The following CENPS variants were observed in gnomAD, a reference collection of about 807,000 sequenced individuals.
CENPS encodes the protein centromere protein S, also known as FANCM associated histone fold protein 1.
CENPS carries 16 observed loss-of-function variants against 17.9 expected under a neutral mutation model. The observed-to-expected ratio is 0.90, with a 90% confidence interval of 0.61 to 1.36. The LOEUF is 1.36. Among genes scored for constraint, CENPS ranks in the 40% most tolerant of loss-of-function variants. The pLI, the probability that CENPS is intolerant of heterozygous loss-of-function variation, is 0.00. For missense variants in CENPS, 160 were observed against 158.6 expected, an observed-to-expected ratio of 1.01 and a Z score of -0.05; for synonymous variants, 49 against 55.8, an observed-to-expected ratio of 0.88 and a Z score of 0.54.
intron 3 of CENPS, among the ~76,000 whole-genome samples, chr1:10,437,683 A>G (rs1461945893): frequency 6.8e-6 from 1 of 147,806 alleles, no homozygotes; most frequent in Non-Finnish European, 1.5e-5. Context: ...TCTCAAACTT[A>G]TGACCTCAGG....
At position 10,430,481 on chromosome 1, in the gene CENPS, C is replaced by A; in HGVS notation, c.-37C>A. Reference sequence around the variant, plus strand: ...CTGGCCGCGCACCACCGCCCCTTCTCGGCCCTCCTGCGTTTGCCCAGGGTC... The same window carrying A: ...CTGGCCGCGCACCACCGCCCCTTCTAGGCCCTCCTGCGTTTGCCCAGGGTC... On this transcript the variant is annotated 5_prime_UTR_variant, in exon 1 of 5. Transcript: ENST00000309048. 6.5e-7 allele frequency: 1 copy of A among 1,532,800 alleles called. No homozygotes were observed. Among genetic ancestry groups the A allele is most frequent in the Non-Finnish European group, 8.8e-7 (1 of 1,140,464 alleles). The allele number at this position is 1,532,800 out of a possible 1,614,324, so 94.9% of individuals were successfully genotyped here. A position where few individuals can be genotyped will look rare whatever the true frequency, so the allele number is the denominator to read the frequency against.
chr1:10,437,217 A>G (rs1348674083), intron 3 of CENPS, among the ~76,000 whole-genome samples: 2 of 150,904 alleles, frequency 1.3e-5, no homozygotes, highest in Non-Finnish European at 3.0e-5. Flanking sequence ...GTGCAGTGGC[A>G]GGATCATAGC....
intron 3 of CENPS, among the ~76,000 whole-genome samples, chr1:10,435,816 A>G (rs913949255): frequency 7.2e-5 from 11 of 151,942 alleles, no homozygotes; most frequent in African/African-American, 1.9e-4. Context: ...TGCTCAAGCA[A>G]TCCTGCCTTG....
chr1:10,430,971 C>T (rs943489413), intron 1 of CENPS: 134 of 1,263,618 alleles, frequency 1.1e-4, no homozygotes, highest in Middle Eastern at 3.1e-4. Flanking sequence ...GAACGCTGGC[C>T]CTGGAGGCGT....
chr1:10,430,824 G>A (rs481571), intron 1 of CENPS: 664,808 of 1,339,800 alleles, frequency 0.5, 166,666 homozygotes, highest in African/African-American at 0.67. Context: ...GGGTCCGGCG[G>A]CGAGAGGCCA....
intron 1 of CENPS, 28 bp from the exon 2 acceptor site, chr1:10,433,814 C>T (rs369261449): frequency 2.9e-5 from 46 of 1,613,368 alleles, no homozygotes; most frequent in African/African-American, 1.9e-4. Flanking sequence ...CAGCCTTACC[C>T]GTGAAATATT....
chr1:10,435,162 G>A lies in CENPS; in HGVS notation c.209+472G>A, dbSNP rs78816278. Among the ~76,000 whole-genome samples, 670 of 152,292 alleles carry A rather than the reference G, an allele frequency of 4.4e-3. 7 individuals carry two copies. The highest frequency in any genetic ancestry group is 0.015 in the African/African-American group (636 of 41,538). Reference sequence around the variant, plus strand: ...TTGCCGCATTTGTTCCGAGTAAGACGCACTCCTTGGAAAGTGGGTGACTTG... The same window carrying A: ...TTGCCGCATTTGTTCCGAGTAAGACACACTCCTTGGAAAGTGGGTGACTTG... On this transcript the variant is annotated intron_variant, in intron 3 of 4. Coordinates refer to ENST00000309048, the MANE Select transcript of CENPS (RefSeq NM_199294.3).
At chr1:10,434,858 G>T (rs1040925521) in intron 3 of CENPS, among the ~76,000 whole-genome samples, 168 bp downstream of exon 3, 1 of 152,096 alleles carries the variant, frequency 6.6e-6, no homozygotes, top group African/African-American at 2.4e-5. Flanking sequence ...CTTCAATCAC[G>T]GTGATTCACA....
At chr1:10,431,413 C>T in intron 1 of CENPS, 3 of 1,535,204 alleles carry the variant, frequency 2.0e-6, no homozygotes. Context: ...TACAGAATGC[C>T]CAGATGCCCG....
chr1:10,431,051 G>T (rs1269482738), intron 1 of CENPS: 3 of 1,355,930 alleles, frequency 2.2e-6, no homozygotes, highest in South Asian at 1.6e-5. Context: ...TTAGATGTGG[G>T]TTCGAATCTC....
At chr1:10,432,363 G>GTT (rs1639958616) in intron 1 of CENPS, among the ~76,000 whole-genome samples, 1 of 152,212 alleles carries the variant, frequency 6.6e-6, no homozygotes, top group Non-Finnish European at 1.5e-5. Context: ...GAGATTACAG[G>GTT]TGTGAACCAC....
intron 1 of CENPS, among the ~76,000 whole-genome samples, chr1:10,433,442 T>G (rs550861801): frequency 1.5e-3 from 228 of 152,304 alleles, no homozygotes; most frequent in African/African-American, 5.2e-3. Flanking sequence ...ATTAACTGCC[T>G]TAAGGGCAAA....
chr1:10,441,002 C>T (rs916469849), intron 4 of CENPS, among the ~76,000 whole-genome samples: 3 of 152,172 alleles, frequency 2.0e-5, no homozygotes, highest in Non-Finnish European at 4.4e-5. Context: ...ATGTGGGCCC[C>T]ACAAGAGCAG....
rs747466031 is a variant in CENPS at position 10,433,934 on chromosome 1, G to A, written c.144G>A (p.Ala48=). 6.8e-6 allele frequency: 11 copies of A among 1,614,034 alleles called. 1 individual carries two copies. The highest frequency in any genetic ancestry group is 3.3e-5 in the South Asian group (3 of 91,084). The part of the protein sequence containing the change: ...KEMQFSKQTI[A]AISELTFRQC... ...TGCAGTTCAGCAAACAGACCATTGC[G>A]GCCATTTCGGAGCTGACTTTCCGAC... The change falls in exon 2 of 5, where the codon GCG becomes GCA. Residue 48 remains alanine (A), a synonymous_variant. Transcript: ENST00000309048.
chr1:10,432,657 G>T (rs759105146), intron 1 of CENPS, among the ~76,000 whole-genome samples: 2 of 152,004 alleles, frequency 1.3e-5, no homozygotes, highest in Non-Finnish European at 2.9e-5. Flanking sequence ...GGAGGAGGAA[G>T]ATCTGAGAAA....
chr1:10,439,474 T>G (rs1027549885), intron 3 of CENPS, among the ~76,000 whole-genome samples: 32 of 152,112 alleles, frequency 2.1e-4, no homozygotes, highest in African/African-American at 7.7e-4. Flanking sequence ...GTGGCTGGGC[T>G]TGGTGGCTCA....
At position 10,442,596 on chromosome 1, in the gene CENPS, A is replaced by G; in HGVS notation, c.*191A>G. ...CAAAGCTAGTTTTAGAGAATGAGAAAGTCTTAAGCAAAATACTCCCAGGTC... is the reference window on the plus strand; with the variant it reads ...CAAAGCTAGTTTTAGAGAATGAGAAGGTCTTAAGCAAAATACTCCCAGGTC... On this transcript the variant is annotated 3_prime_UTR_variant, in exon 5 of 5. Coordinates refer to ENST00000309048, the MANE Select transcript of CENPS (RefSeq NM_199294.3). 1 of 1,017,486 alleles carries G rather than the reference A, an allele frequency of 9.8e-7. No individual in the cohort carries two copies. Among genetic ancestry groups the G allele is most frequent in the East Asian group, 3.3e-5 (1 of 30,352 alleles). 63.0% of individuals were successfully genotyped at this position (1,017,486 alleles called of 1,614,324 possible).
chr1:10,431,472 C>T, intron 1 of CENPS: 1 of 1,488,070 alleles, frequency 6.7e-7, no homozygotes, highest in Non-Finnish European at 9.0e-7. Flanking sequence ...TGCTCCCATG[C>T]TTCCCTCCCA....
At chr1:10,442,231 C>T in intron 4 of CENPS, 34 bp from the exon 5 acceptor site, 3 of 1,549,148 alleles carry the variant, frequency 1.9e-6, no homozygotes, top group Non-Finnish European at 2.6e-6. Flanking sequence ...AAAATGGTTA[C>T]AGCCAGATAT....
Sources: gnomAD v4.1 joint callset for allele counts (sites outside exome capture counted in the v4.1 genomes callset) on GRCh38, gnomAD v4.1.1 for gene constraint, MANE v1.5 for transcripts, NCBI Gene and HGNC (gene_info 2026-07-23, HGNC 2026-07-21) for gene names.